TMEM40: variants seen among roughly 807,000 people sequenced by gnomAD.
TMEM40 encodes transmembrane protein 40.
TMEM40 carries 34 observed loss-of-function variants against 40.8 expected under a neutral mutation model. That is an observed-to-expected ratio of 0.83 (90% CI 0.63 to 1.11). The LOEUF is 1.11. Ranked by LOEUF, TMEM40 falls within the 50% of genes least tolerant of loss-of-function variation. TMEM40 has a pLI of 0.00. For missense variants in TMEM40, 296 were observed against 280.2 expected, an observed-to-expected ratio of 1.06 and a Z score of -0.40; for synonymous variants, 106 against 107.0, an observed-to-expected ratio of 0.99 and a Z score of 0.06.
intron 1 of TMEM40, among the ~76,000 whole-genome samples, chr3:12,755,232 TC>T (rs1339345392): frequency 1.5e-3 from 150 of 99,372 alleles, no homozygotes; most frequent in African/African-American, 5.8e-3. Flanking sequence ...TCTCTCTCTC[TC>T]TCTTTCTTTC....
chr3:12,753,810 G>A (rs1258410921), intron 1 of TMEM40, among the ~76,000 whole-genome samples: 3 of 152,110 alleles, frequency 2.0e-5, no homozygotes, highest in Non-Finnish European at 2.9e-5. Flanking sequence ...CTGTACCCAC[G>A]GGTCCTGCTA....
At chr3:12,741,919 ACT>A (rs1274092668) in intron 5 of TMEM40, among the ~76,000 whole-genome samples, 1 of 152,026 alleles carries the variant, frequency 6.6e-6, no homozygotes, top group Admixed American at 6.5e-5. Flanking sequence ...ACATGGCAAA[ACT>A]CTGTCTCTAC....
Position 12,736,763 on chromosome 3 carries a change from C to T in TMEM40, c.544+1G>A. 3 of 1,614,138 alleles carry T rather than the reference C, an allele frequency of 1.9e-6. No homozygotes were observed. The highest frequency in any genetic ancestry group is 2.2e-5 in the South Asian group (2 of 91,086). On this transcript the variant is annotated splice_donor_variant, in intron 9 of 11. Transcript: ENST00000314124. LOFTEE classifies it high-confidence loss of function. ...GCATTCCCCAGGGCACCTCCCCTCA[C>T]CTGCGTAATAGTGATAACACACCAG... is the stretch of plus-strand genomic sequence containing the variant.
intron 1 of TMEM40, among the ~76,000 whole-genome samples, chr3:12,755,230 TCTC>T (rs2061515204): frequency 6.4e-4 from 62 of 96,472 alleles, no homozygotes; most frequent in African/African-American, 2.2e-3. Context: ...TCTCTCTCTC[TCTC>T]TCTTTCTTTC....
chr3:12,749,975 AT>A, intron 1 of TMEM40, 135 bp from the exon 2 acceptor site: 2 of 916,366 alleles, frequency 2.2e-6, no homozygotes. Context: ...AACAAAAAAA[AT>A]GGTAGTTCTG....
At chr3:12,753,218 T>C (rs1322124627) in intron 1 of TMEM40, among the ~76,000 whole-genome samples, 18 of 132,408 alleles carry the variant, frequency 1.4e-4, no homozygotes, top group South Asian at 7.8e-4. Context: ...TTTCTTTTTT[T>C]TTTTTTTTTT....
rs898923871 is a variant in TMEM40 at position 12,736,480 on chromosome 3, C to G, written c.619+98G>C. On this transcript the variant is annotated intron_variant, in intron 10 of 11. Transcript: ENST00000314124. ...ATTTTTTTAAAAGTGTAGATTGTGA[C>G]TCTCTGGTCCATACTTGAATGAGTA... 12 of 1,427,278 alleles carry G rather than the reference C, an allele frequency of 8.4e-6. No homozygotes were observed. The South Asian group carries it at 1.4e-4, about 17-fold the overall frequency. The allele number at this position is 1,427,278 out of a possible 1,614,324, so 88.4% of individuals were successfully genotyped here.
At chr3:12,749,177 G>A (rs950306647) in intron 2 of TMEM40, among the ~76,000 whole-genome samples, 2 of 151,766 alleles carry the variant, frequency 1.3e-5, no homozygotes, top group Admixed American at 6.6e-5. Context: ...GGCGCCCACC[G>A]CCACACCCGG....
At chr3:12,754,108 C>G (rs191654509) in intron 1 of TMEM40, among the ~76,000 whole-genome samples, 4 of 152,270 alleles carry the variant, frequency 2.6e-5, no homozygotes, top group Admixed American at 2.0e-4. Context: ...GTCAGGAGAT[C>G]GAGACCATCC....
At chr3:12,754,108 C>T (rs191654509) in intron 1 of TMEM40, among the ~76,000 whole-genome samples, 5 of 152,152 alleles carry the variant, frequency 3.3e-5, no homozygotes, top group South Asian at 2.1e-4. Context: ...GTCAGGAGAT[C>T]GAGACCATCC....
chr3:12,738,949 CTG>C, intron 5 of TMEM40: 1 of 250,770 alleles, frequency 4.0e-6, no homozygotes, highest in Non-Finnish European at 8.0e-6. Flanking sequence ...GGTCAAGAGA[CTG>C]AGACCATTCT....
At chr3:12,763,632 TAGAC>T (rs2061582407), upstream of TMEM40, among the ~76,000 whole-genome samples, 3 of 152,134 alleles carry the variant, frequency 2.0e-5, no homozygotes, top group Non-Finnish European at 4.4e-5. Flanking sequence ...GGAGACAAGT[TAGAC>T]AGCTCAGCCT....
At chr3:12,737,443 C>CAG (rs1309894377) in intron 8 of TMEM40, 4 of 556,176 alleles carry the variant, frequency 7.2e-6, no homozygotes, top group Non-Finnish European at 9.5e-6. Context: ...GCAGAAAGAG[C>CAG]AGAGGACCAG....
intron 1 of TMEM40, among the ~76,000 whole-genome samples, chr3:12,751,432 AC>A (rs1302396596): frequency 6.6e-6 from 1 of 150,814 alleles, no homozygotes; most frequent in African/African-American, 2.4e-5. Flanking sequence ...CAGGCGCCAC[AC>A]CATGCTTGGC....
chr3:12,737,831 G>T, intron 7 of TMEM40, 77 bp from the exon 8 acceptor site: 1 of 1,404,082 alleles, frequency 7.1e-7, no homozygotes, highest in Non-Finnish European at 1.0e-6. Flanking sequence ...CTGCCTCATT[G>T]AGAATTAATA....
At chr3:12,768,920 G>A (rs1176591189) in intron 1 of TMEM40, among the ~76,000 whole-genome samples, 9 of 85,190 alleles carry the variant, frequency 1.1e-4, no homozygotes, top group Non-Finnish European at 2.2e-4. Flanking sequence ...GCCGGGGCCG[G>A]GGCCGGGGCG....
At chr3:12,768,141 C>T (rs1012111320) in intron 1 of TMEM40, among the ~76,000 whole-genome samples, 1 of 152,134 alleles carries the variant, frequency 6.6e-6, no homozygotes, top group Admixed American at 6.5e-5. Flanking sequence ...AAGCTGCAGA[C>T]CTTCGCGGTG....
At chr3:12,768,204 G>T (rs1378178003) in intron 1 of TMEM40, among the ~76,000 whole-genome samples, 1 of 152,084 alleles carries the variant, frequency 6.6e-6, no homozygotes, top group Non-Finnish European at 1.5e-5. Context: ...CCTCCCAGTG[G>T]GTTCGTGGTC....
At chr3:12,755,849 T>C (rs938207884) in intron 1 of TMEM40, among the ~76,000 whole-genome samples, 2 of 152,162 alleles carry the variant, frequency 1.3e-5, no homozygotes, top group South Asian at 2.1e-4. Context: ...AGGAGCCCAG[T>C]TGGGTTAATT....
Sources: gnomAD v4.1 joint callset for allele counts (sites outside exome capture counted in the v4.1 genomes callset) on GRCh38, gnomAD v4.1.1 for gene constraint, MANE v1.5 for transcripts, NCBI Gene and HGNC (gene_info 2026-07-23, HGNC 2026-07-21) for gene names.